The following NTN1 variants were observed in gnomAD, a reference collection of about 807,000 sequenced individuals.
NTN1 encodes the protein netrin-1.
Under a neutral mutation model 54.2 loss-of-function variants are expected in NTN1, and 11 were observed. The ratio of observed to expected loss-of-function variants is 0.20; its 90% CI spans 0.13 to 0.34. The LOEUF is 0.34. Among genes scored for constraint, NTN1 ranks in the 10% least tolerant of loss-of-function variants. NTN1 has a pLI of 1.00. For synonymous variants in NTN1, 371 were observed against 382.0 expected, an observed-to-expected ratio of 0.97 and a Z score of 0.33; for missense variants, 740 against 893.1, an observed-to-expected ratio of 0.83 and a Z score of 2.18.
intron 2 of NTN1, among the ~76,000 whole-genome samples, chr17:9,072,937 T>G (rs1206423643): frequency 6.6e-6 from 1 of 152,228 alleles, no homozygotes; most frequent in Non-Finnish European, 1.5e-5. Flanking sequence ...TTCTTCCTCT[T>G]TCCTTCCCCA....
At position 9,165,025 on chromosome 17, in the gene NTN1, G is replaced by A. The variant is rs1167644390; in HGVS notation, c.1207+2024G>A. ...GTTGTCTCTCTTTTACAGAAGAAAT[G>A]GAGGCCAGGGGTCTTGTAAACAGCT... is the stretch of plus-strand genomic sequence containing the variant. On this transcript the variant is annotated intron_variant, in intron 3 of 6. Coordinates refer to ENST00000173229, the MANE Select transcript of NTN1 (RefSeq NM_004822.3). This position sits in a 1 kb window ranked among gnomAD's most constrained non-coding sequence, Gnocchi z 4.5. Among the ~76,000 whole-genome samples the A allele has an allele frequency of 6.6e-6, 1 of 152,166 alleles. No homozygotes were observed. Among genetic ancestry groups the A allele is most frequent in the East Asian group, 1.9e-4 (1 of 5,200 alleles).
chr17:9,026,826 T>C (rs1055911969), intron 2 of NTN1, among the ~76,000 whole-genome samples: 1 of 152,150 alleles, frequency 6.6e-6, no homozygotes. Flanking sequence ...CATGAGCCCC[T>C]GCCTGGCTTG....
In NTN1 at chr17:9,240,267, T is replaced by G; in HGVS notation, c.*299T>G. ...GGCTCCTTCCAGAGCAGAGACGCGC[T>G]TCCCTGGGCCTGGGCGCGGCCGCCG... On this transcript the variant is annotated 3_prime_UTR_variant, in exon 7 of 7. Coordinates refer to ENST00000173229, the MANE Select transcript of NTN1 (RefSeq NM_004822.3). 6.6e-6 allele frequency: 1 copy of G among 152,384 alleles called. No homozygotes were observed. Among genetic ancestry groups the G allele is most frequent in the Non-Finnish European group, 1.5e-5 (1 of 68,456 alleles). The allele number at this position is 152,384 out of a possible 1,614,324, so 9.4% of individuals were successfully genotyped here.
intron 2 of NTN1, among the ~76,000 whole-genome samples, chr17:9,066,649 C>T (rs2092015890): frequency 6.6e-6 from 1 of 150,630 alleles, no homozygotes; most frequent in African/African-American, 2.4e-5. Flanking sequence ...AATTCAATAG[C>T]AGATATACAG....
intron 2 of NTN1, among the ~76,000 whole-genome samples, chr17:9,117,539 T>C (rs1443908778): frequency 6.6e-6 from 1 of 151,332 alleles, no homozygotes; most frequent in African/African-American, 2.4e-5. Context: ...AGGTCAGGAG[T>C]TCGAGACCAG....
intron 2 of NTN1, among the ~76,000 whole-genome samples, chr17:9,119,440 G>A (rs957053113): frequency 1.3e-5 from 2 of 151,912 alleles, no homozygotes; most frequent in Non-Finnish European, 2.9e-5. Flanking sequence ...CACCTGCCTC[G>A]GCCTCCCAAA....
At chr17:9,101,214 T>C (rs2092149292) in intron 2 of NTN1, among the ~76,000 whole-genome samples, 1 of 152,244 alleles carries the variant, frequency 6.6e-6, no homozygotes, top group African/African-American at 2.4e-5. Flanking sequence ...AATTCAATGC[T>C]TGTCATACAG....
At chr17:9,163,256 G>A (rs1037420418) in intron 3 of NTN1, among the ~76,000 whole-genome samples, 1 of 150,022 alleles carries the variant, frequency 6.7e-6, no homozygotes, top group Non-Finnish European at 1.5e-5. Context: ...GGAGAAGAAA[G>A]GAGAAGGTGG....
At chr17:9,182,794 C>A in intron 4 of NTN1, 122 bp from the exon 5 acceptor site, 2 of 979,598 alleles carry the variant, frequency 2.0e-6, no homozygotes, top group Non-Finnish European at 1.6e-6. Context: ...GAGTGGGAAA[C>A]GGAGGGGAGG....
chr17:9,100,728 A>AT (rs1056296783), intron 2 of NTN1, among the ~76,000 whole-genome samples: 61 of 152,106 alleles, frequency 4.0e-4, no homozygotes, highest in African/African-American at 1.4e-3. Flanking sequence ...AATGCAAATC[A>AT]TTTTTTCCAA....
At chr17:9,118,538 G>A (rs781031427) in intron 2 of NTN1, among the ~76,000 whole-genome samples, 9 of 152,050 alleles carry the variant, frequency 5.9e-5, no homozygotes, top group Non-Finnish European at 8.8e-5. Flanking sequence ...AACAAAAACC[G>A]GTTCAGTGGT....
intron 2 of NTN1, among the ~76,000 whole-genome samples, chr17:9,134,676 A>G (rs1220082378): frequency 2.0e-5 from 3 of 152,122 alleles, no homozygotes; most frequent in Non-Finnish European, 4.4e-5. Context: ...AGGGGTTCCA[A>G]ATGTTCAGGG....
the NTN1 span, among the ~76,000 whole-genome samples, chr17:9,004,590 G>C: frequency 4.6e-5 from 7 of 152,220 alleles, no homozygotes; most frequent in Non-Finnish European, 7.3e-5. Flanking sequence ...CTGGTGCAGC[G>C]GGATCGTGCG....
intron 5 of NTN1, among the ~76,000 whole-genome samples, chr17:9,214,536 C>G (rs538232317): frequency 3.4e-4 from 52 of 152,324 alleles, no homozygotes; most frequent in Admixed American, 8.5e-4. Flanking sequence ...AAAAAAATCA[C>G]TTTAGGCTGG....
chr17:9,173,661 C>T (rs1435661805), intron 3 of NTN1: 4 of 152,406 alleles, frequency 2.6e-5, no homozygotes, highest in African/African-American at 9.6e-5. Flanking sequence ...CTGTCTCCCC[C>T]AGCCCAGGAG....
Position 9,067,266 on chromosome 17 carries a change from C to CAA in NTN1, c.1018+43889_1018+43890dup, listed in dbSNP as rs34250366. Among the ~76,000 whole-genome samples the CAA allele has an allele frequency of 3.3e-3, 465 of 141,488 alleles. 3 individuals are homozygous for CAA. The highest frequency in any genetic ancestry group is 0.018 in the East Asian group (87 of 4,790). 92.8% of individuals were successfully genotyped at this position (141,488 alleles called of 152,430 possible). On this transcript the variant is annotated intron_variant, in intron 2 of 6. Coordinates refer to ENST00000173229, the MANE Select transcript of NTN1 (RefSeq NM_004822.3). ...TGGGCGACAGAGCAAGACCCTGTCT[C>CAA]AAAAAAAAAAAAAAATGGCATGTTG...
chr17:9,046,247 T>C (rs2091941073), intron 2 of NTN1, among the ~76,000 whole-genome samples: 1 of 152,088 alleles, frequency 6.6e-6, no homozygotes, highest in South Asian at 2.1e-4. Flanking sequence ...CAGTGGATGT[T>C]TTTCCACAGA....
intron 2 of NTN1, among the ~76,000 whole-genome samples, chr17:9,112,408 A>C (rs1299652653): frequency 6.6e-6 from 1 of 152,162 alleles, no homozygotes; most frequent in African/African-American, 2.4e-5. Flanking sequence ...GAGGTGAAAA[A>C]TTTGAGTTAC....
rs1364678080 is a variant in NTN1 at position 9,039,014 on chromosome 17, AT to A, written c.1018+15629del. On this transcript the variant is annotated intron_variant, in intron 2 of 6. Transcript: ENST00000173229. Reference sequence around the variant, plus strand: ...TCAGTGACAACTATTGAGAAACATCATTTTTTGTCACTGATTTGAGATGCCA... The same window carrying A: ...TCAGTGACAACTATTGAGAAACATCATTTTTGTCACTGATTTGAGATGCCA... 1.1e-4 allele frequency among the ~76,000 whole-genome samples: 17 copies of A among 152,272 alleles called. 1 individual carries two copies. The East Asian group carries it at 3.3e-3, about 29-fold the overall frequency.
Sources: allele counts gnomAD v4.1 joint callset (sites outside exome capture counted in the v4.1 genomes callset), GRCh38; gene constraint gnomAD v4.1.1; non-coding constraint Gnocchi (gnomAD v3.1); transcripts MANE v1.5; gene names NCBI Gene and HGNC (gene_info 2026-07-23, HGNC 2026-07-21).